The following CBL variants were observed in gnomAD, a reference collection of about 807,000 sequenced individuals.
CBL encodes the protein Cbl proto-oncogene, also known as E3 ubiquitin-protein ligase CBL.
In CBL, 45 loss-of-function variants were observed where a neutral mutation model predicts 96.9. That is an observed-to-expected ratio of 0.46 (90% CI 0.37 to 0.60). CBL has a LOEUF of 0.60. Among genes scored for constraint, CBL ranks in the 20% least tolerant of loss-of-function variants. CBL has a pLI of 0.00. For synonymous variants in CBL, 420 were observed against 426.8 expected (o/e 0.98, Z 0.20); for missense variants, 1,024 against 1,143.5 (o/e 0.90, Z 1.51).
intron 1 of CBL, among the ~76,000 whole-genome samples, chr11:119,217,355 T>C (rs149608281): frequency 0.013 from 1,989 of 152,286 alleles, 16 homozygotes; most frequent in Non-Finnish European, 0.021. Flanking sequence ...TCAGGTGATC[T>C]GCCTGCCTTG....
chr11:119,279,232 A>T (rs544458019), intron 9 of CBL, among the ~76,000 whole-genome samples: 5 of 151,244 alleles, frequency 3.3e-5, no homozygotes, highest in African/African-American at 1.2e-4. Flanking sequence ...GGGCATGCCC[A>T]TAGCTCATGC....
At chr11:119,230,700 T>C (rs1592376740) in intron 1 of CBL, among the ~76,000 whole-genome samples, 1 of 152,186 alleles carries the variant, frequency 6.6e-6, no homozygotes, top group Non-Finnish European at 1.5e-5. Context: ...TTCAATAGTT[T>C]TTCTTTTGTA....
rs550820633 is a variant in CBL, at chr11:119,304,665, C to T, written c.*4884C>T. On this transcript the variant is annotated 3_prime_UTR_variant, in exon 16 of 16. Transcript: ENST00000264033. ...TTTTTGAGATGGAGTCTCGCTGTGT[C>T]GCCCAGGCTGGAGTGCAGTGGTGCA... The T allele has an allele frequency of 3.8e-5, 8 of 209,482 alleles. No homozygotes were observed. The highest frequency in any genetic ancestry group is 7.1e-5 in the East Asian group (1 of 14,048). 13.0% of individuals were successfully genotyped at this position (209,482 alleles called of 1,614,324 possible). A position where few individuals can be genotyped will look rare whatever the true frequency, so the allele number is the denominator to read the frequency against.
intron 12 of CBL, among the ~76,000 whole-genome samples, chr11:119,290,477 C>G (rs1950017929): frequency 6.6e-6 from 1 of 150,588 alleles, no homozygotes; most frequent in Non-Finnish European, 1.5e-5. Flanking sequence ...CGGTGAAACC[C>G]CATCTCTACT....
intron 3 of CBL, among the ~76,000 whole-genome samples, chr11:119,272,974 C>T (rs899676157): frequency 1.4e-5 from 2 of 142,594 alleles, no homozygotes; most frequent in African/African-American, 5.1e-5. Context: ...TAGGTTTTGT[C>T]GTTTTATTTT....
rs67573240 is a variant in CBL at position 119,292,373 on chromosome 11, CTT to C, written c.2036+4439_2036+4440del. 6.9e-4 allele frequency among the ~76,000 whole-genome samples: 99 copies of C among 143,840 alleles called. No individual in the cohort carries two copies. In the East Asian group the frequency reaches 0.014, roughly 20 times the overall value. 94.4% of individuals were successfully genotyped at this position (143,840 alleles called of 152,430 possible). ...TCTCCGAGAGCTCTTATGCTGATGT[CTT>C]TTTTTTTTTTTCCATTATTTTTTTC... is the stretch of plus-strand genomic sequence containing the variant. On this transcript the variant is annotated intron_variant, in intron 12 of 15. Transcript: ENST00000264033.
intron 1 of CBL, among the ~76,000 whole-genome samples, chr11:119,215,597 G>A (rs1209902300): frequency 6.6e-6 from 1 of 151,290 alleles, no homozygotes; most frequent in African/African-American, 2.4e-5. Context: ...ACCCGCCCGG[G>A]AGGGTGGAGG....
In CBL at chr11:119,275,018, A is replaced by G. The variant is rs1949877840; in HGVS notation, c.869+65A>G. On this transcript the variant is annotated intron_variant, in intron 5 of 15. Coordinates refer to ENST00000264033, the MANE Select transcript of CBL (RefSeq NM_005188.4). Reference sequence around the variant, plus strand: ...TCGTTATCTTGAGACTTCTGCTAGTATAGAAGAAACATGACCTTAATTAGT... The same window carrying G: ...TCGTTATCTTGAGACTTCTGCTAGTGTAGAAGAAACATGACCTTAATTAGT... 3 of 1,560,102 alleles carry G rather than the reference A, an allele frequency of 1.9e-6. No individual in the cohort carries two copies. The South Asian group carries it at 3.4e-5, about 17-fold the overall frequency.
intron 12 of CBL, among the ~76,000 whole-genome samples, chr11:119,296,331 CAGA>C: frequency 6.6e-6 from 1 of 152,006 alleles, no homozygotes; most frequent in Non-Finnish European, 1.5e-5. Flanking sequence ...CATGCGGTGG[CAGA>C]AGTCTTGTTT....
chr11:119,258,229 A>AAAAAC (rs1035663275), intron 2 of CBL, among the ~76,000 whole-genome samples: 7 of 152,222 alleles, frequency 4.6e-5, no homozygotes, highest in Non-Finnish European at 7.3e-5. Context: ...TACGTCTCAA[A>AAAAAC]AAAACAAAAC....
At chr11:119,260,938 A>ATTTTTT (rs1949749199) in intron 2 of CBL, among the ~76,000 whole-genome samples, 2 of 40,600 alleles carry the variant, frequency 4.9e-5, no homozygotes, top group African/African-American at 2.5e-4. Flanking sequence ...TTAAATCTCT[A>ATTTTTT]CTTTTTTTTT....
intron 2 of CBL, among the ~76,000 whole-genome samples, chr11:119,253,221 T>C (rs1303594536): frequency 1.3e-5 from 2 of 152,092 alleles, no homozygotes; most frequent in Non-Finnish European, 2.9e-5. Context: ...AGACAATTAT[T>C]TGTCATTTGA....
chr11:119,282,814 G>A (rs1949947800), intron 9 of CBL, among the ~76,000 whole-genome samples: 2 of 152,158 alleles, frequency 1.3e-5, no homozygotes, highest in Non-Finnish European at 2.9e-5. Context: ...CACCCGCGGT[G>A]GCTCACGCCT....
chr11:119,280,169 G>T (rs1333773951), intron 9 of CBL, among the ~76,000 whole-genome samples: 2 of 152,164 alleles, frequency 1.3e-5, no homozygotes, highest in Admixed American at 6.5e-5. Context: ...ATTGTTTGCA[G>T]GCTTACGTAT....
chr11:119,209,404 G>A (rs1321368819), intron 1 of CBL, among the ~76,000 whole-genome samples: 1 of 152,146 alleles, frequency 6.6e-6, no homozygotes, highest in Admixed American at 6.5e-5. Flanking sequence ...GCTCACTTGA[G>A]GTCAGGAGCT....
Position 119,278,256 on chromosome 11 carries a change from T to C in CBL, c.1186T>C (p.Cys396Arg), listed in dbSNP as rs387906665. 6.2e-7 allele frequency: 1 copy of C among 1,613,984 alleles called. No homozygotes were observed. Among genetic ancestry groups the C allele is most frequent in the Non-Finnish European group, 8.5e-7 (1 of 1,179,828 alleles). Residue 396 changes from cysteine (C) to arginine (R), a missense_variant, in exon 8 of 16, where the codon TGT becomes CGT. Physicochemically the swap from Cys to Arg is radical, Grantham distance 180. Coordinates refer to ENST00000264033, the MANE Select transcript of CBL (RefSeq NM_005188.4). ...ENDKDVKIEP[C>R]GHLMCTSCLT... The stretch of plus-strand genomic sequence containing the variant: ...TGATAAGGATGTAAAGATTGAGCCC[T>C]GTGGACACCTCATGTGCACATCCTG...
At chr11:119,228,077 C>G (rs1262674359) in intron 1 of CBL, among the ~76,000 whole-genome samples, 3 of 149,422 alleles carry the variant, frequency 2.0e-5, no homozygotes, top group Non-Finnish European at 3.0e-5. Flanking sequence ...TTTTCCTATT[C>G]TAGGAGGCGT....
At chr11:119,216,397 G>A (rs1949360742) in intron 1 of CBL, among the ~76,000 whole-genome samples, 1 of 147,974 alleles carries the variant, frequency 6.8e-6, no homozygotes, top group Non-Finnish European at 1.5e-5. Context: ...TTTTGAGATG[G>A]AGTCTTGCTC....
chr11:119,227,645 G>A (rs1300254498), intron 1 of CBL, among the ~76,000 whole-genome samples: 6 of 151,892 alleles, frequency 4.0e-5, no homozygotes, highest in African/African-American at 1.5e-4. Flanking sequence ...CTGCCTCCCG[G>A]GTTCAAGCAA....
Sources: gnomAD v4.1 joint callset for allele counts (sites outside exome capture counted in the v4.1 genomes callset) on GRCh38, gnomAD v4.1.1 for gene constraint, MANE v1.5 for transcripts, NCBI Gene and HGNC (gene_info 2026-07-23, HGNC 2026-07-21) for gene names.